ADCY10: variants seen among roughly 807,000 people sequenced by gnomAD.
ADCY10 encodes adenylate cyclase 10, also known as adenylate cyclase type 10.
In ADCY10, 156 loss-of-function variants were observed where a neutral mutation model predicts 183.3. The observed-to-expected ratio is 0.85, with a 90% CI of 0.75 to 0.97. ADCY10 has a LOEUF of 0.97. Ranked by LOEUF, ADCY10 falls within the 50% of genes least tolerant of loss-of-function variation. The pLI, the probability that ADCY10 is intolerant of heterozygous loss-of-function variation, is 0.00. For missense variants in ADCY10, 1,745 were observed against 1,934.3 expected (o/e 0.90, Z 1.84); for synonymous variants, 645 against 670.0 (o/e 0.96, Z 0.58).
chr1:167,895,911 C>T (rs557904717), intron 7 of ADCY10, among the ~76,000 whole-genome samples: 17 of 152,182 alleles, frequency 1.1e-4, no homozygotes, highest in African/African-American at 4.1e-4. Context: ...GGAAACTAAG[C>T]AAAGAGGACT....
intron 31 of ADCY10, among the ~76,000 whole-genome samples, chr1:167,814,511 A>G (rs1368511174): frequency 6.6e-6 from 1 of 151,206 alleles, no homozygotes; most frequent in Non-Finnish European, 1.5e-5. Context: ...GTCAATATAT[A>G]TGAAGCAAAA....
At chr1:167,891,536 G>A (rs1191291989) in intron 8 of ADCY10, among the ~76,000 whole-genome samples, 1 of 151,470 alleles carries the variant, frequency 6.6e-6, no homozygotes, top group East Asian at 2.0e-4. Flanking sequence ...GGCGCCTGTA[G>A]TCCCAGCTAC....
intron 11 of ADCY10, 62 bp downstream of exon 11, chr1:167,880,053 A>G: frequency 1.4e-6 from 2 of 1,447,934 alleles, no homozygotes; most frequent in Non-Finnish European, 1.9e-6. Flanking sequence ...CCTCCCGCAA[A>G]GCCCAGTGGC....
chr1:167,820,208 G>A (rs1662804642), intron 30 of ADCY10: 5 of 1,542,868 alleles, frequency 3.2e-6, no homozygotes, highest in Non-Finnish European at 4.4e-6. Context: ...GGCTGCGACG[G>A]CTTCTCCTCG....
chr1:167,855,974 G>T (rs1295564478), intron 17 of ADCY10, among the ~76,000 whole-genome samples, 191 bp downstream of exon 17: 2 of 152,178 alleles, frequency 1.3e-5, no homozygotes, highest in African/African-American at 2.4e-5. Context: ...CTACACTTCA[G>T]CCTGGGTGAC....
At chr1:167,853,751 T>C (rs920870252) in intron 18 of ADCY10, among the ~76,000 whole-genome samples, 10 of 151,940 alleles carry the variant, frequency 6.6e-5, no homozygotes. Context: ...AGGAAAGGCT[T>C]TTTGAAGATA....
intron 28 of ADCY10, among the ~76,000 whole-genome samples, chr1:167,824,131 G>A (rs190653639): frequency 6.6e-6 from 1 of 152,298 alleles, no homozygotes; most frequent in Non-Finnish European, 1.5e-5. Context: ...GACCAGCCTG[G>A]CCAACAGGGT....
Position 167,836,503 on chromosome 1 carries a change from C to G in ADCY10, c.3115G>C (p.Asp1039His). 1 of 1,613,476 alleles carries G rather than the reference C, an allele frequency of 6.2e-7. No individual in the cohort carries two copies. Among genetic ancestry groups the G allele is most frequent in the Non-Finnish European group, 8.5e-7 (1 of 1,179,458 alleles). ...GTCTTCATTTTTGTTAAAACGTGGT[C>G]AAAGAAATTCAAGATCTTTTCTCTT... is the stretch of plus-strand genomic sequence containing the variant. ...EIREKILNFF[D>H]HVLTKMKTSD... is the part of the protein sequence containing the mutation. Residue 1039 changes from aspartate (D) to histidine (H), a missense_variant, in exon 23 of 33, where the codon GAC becomes CAC. Asp to His is a moderately conservative substitution (Grantham distance 81). Coordinates refer to ENST00000367851, the MANE Select transcript of ADCY10 (RefSeq NM_018417.6).
chr1:167,874,868 T>C (rs1463237622), intron 13 of ADCY10, among the ~76,000 whole-genome samples: 1 of 152,212 alleles, frequency 6.6e-6, no homozygotes, highest in Non-Finnish European at 1.5e-5. Flanking sequence ...ATATAAGCCG[T>C]ATATAATTAT....
chr1:167,908,020 A>G (rs537468250), intron 1 of ADCY10, among the ~76,000 whole-genome samples: 16 of 152,346 alleles, frequency 1.1e-4, no homozygotes, highest in African/African-American at 3.8e-4. Flanking sequence ...CTAAAAAATT[A>G]AAAATAGAAC....
chr1:167,869,198 C>T (rs1218021764), intron 14 of ADCY10, among the ~76,000 whole-genome samples: 1 of 152,150 alleles, frequency 6.6e-6, no homozygotes, highest in Non-Finnish European at 1.5e-5. Flanking sequence ...ATTTAAAACT[C>T]TTATATAGGA....
At chr1:167,887,333 T>A (rs61806998) in intron 8 of ADCY10, among the ~76,000 whole-genome samples, 3 of 152,116 alleles carry the variant, frequency 2.0e-5, no homozygotes, top group Non-Finnish European at 4.4e-5. Flanking sequence ...TAAGAAAATG[T>A]GGCATGTATA....
At chr1:167,894,217 T>C (rs1668805243) in intron 7 of ADCY10, among the ~76,000 whole-genome samples, 1 of 152,224 alleles carries the variant, frequency 6.6e-6, no homozygotes, top group Admixed American at 6.5e-5. Context: ...TTTTCACTTC[T>C]GAACTTGGTT....
chr1:167,895,525 A>G (rs1668908284), intron 7 of ADCY10, among the ~76,000 whole-genome samples: 1 of 152,228 alleles, frequency 6.6e-6, no homozygotes, highest in African/African-American at 2.4e-5. Flanking sequence ...ACTTGGATGG[A>G]GTTTTCAGGG....
intron 19 of ADCY10, among the ~76,000 whole-genome samples, chr1:167,846,816 G>A (rs981324925): frequency 9.8e-6 from 1 of 102,252 alleles, no homozygotes; most frequent in Non-Finnish European, 2.0e-5. Flanking sequence ...CTTGAATATC[G>A]GTAGCTCATG....
intron 14 of ADCY10, among the ~76,000 whole-genome samples, chr1:167,867,233 C>T (rs1328128495): frequency 3.3e-5 from 5 of 152,302 alleles, no homozygotes; most frequent in East Asian, 3.9e-4. Context: ...GGGAGCTGTA[C>T]GTGGATGGGA....
At chr1:167,818,372 TG>T in intron 30 of ADCY10, 105 bp from the exon 31 acceptor site, 1 of 1,027,072 alleles carries the variant, frequency 9.7e-7, no homozygotes, top group Non-Finnish European at 1.5e-6. Flanking sequence ...CCTGGGTCTC[TG>T]GAAGTGTGTA....
At chr1:167,833,662 T>C (rs1663958429) in intron 24 of ADCY10, among the ~76,000 whole-genome samples, 1 of 151,470 alleles carries the variant, frequency 6.6e-6, no homozygotes, top group Non-Finnish European at 1.5e-5. Context: ...GGAGAATCAC[T>C]TGAACCCAGG....
intron 25 of ADCY10, among the ~76,000 whole-genome samples, chr1:167,830,946 C>T (rs1026375421): frequency 2.6e-5 from 4 of 152,166 alleles, no homozygotes; most frequent in African/African-American, 9.7e-5. Context: ...AACTTCCTGC[C>T]TTTGCTTCAA....
Sources: gnomAD v4.1 joint callset for allele counts (sites outside exome capture counted in the v4.1 genomes callset) on GRCh38, gnomAD v4.1.1 for gene constraint, MANE v1.5 for transcripts, NCBI Gene and HGNC (gene_info 2026-07-23, HGNC 2026-07-21) for gene names.